Variants in SLC12A6 observed in about 807,000 individuals in gnomAD.
SLC12A6 encodes the protein solute carrier family 12 member 6.
Under a neutral mutation model 135.3 loss-of-function variants are expected in SLC12A6, and 66 were observed. The observed-to-expected ratio is 0.49, with a 90% CI of 0.40 to 0.60. SLC12A6 has a LOEUF of 0.60. SLC12A6 is among the 20% of genes least tolerant of loss of function. SLC12A6 has a pLI of 0.00. For missense variants in SLC12A6, 1,058 were observed against 1,452.3 expected (o/e 0.73, Z 4.41); for synonymous variants, 513 against 508.8 (o/e 1.01, Z -0.11).
At chr15:34,237,320 T>G in intron 22 of SLC12A6, 99 bp downstream of exon 22, 1 of 1,070,420 alleles carries the variant, frequency 9.3e-7, no homozygotes, top group Non-Finnish European at 1.4e-6. Flanking sequence ...TTAATCCACA[T>G]TTAGATCTGA....
At chr15:34,276,897 G>A (rs1894333564) in intron 2 of SLC12A6, among the ~76,000 whole-genome samples, 1 of 152,118 alleles carries the variant, frequency 6.6e-6, no homozygotes, top group East Asian at 1.9e-4. Context: ...TCCAGTTTCT[G>A]ATGTATATTG....
At chr15:34,306,311 C>A (rs534979414) in intron 2 of SLC12A6, among the ~76,000 whole-genome samples, 73 of 152,328 alleles carry the variant, frequency 4.8e-4, no homozygotes, top group Admixed American at 1.1e-3. Context: ...CAGGAGGAAG[C>A]CTCCCTGCTC....
chr15:34,281,105 TAA>T (rs1159931997), intron 2 of SLC12A6, among the ~76,000 whole-genome samples: 1 of 151,894 alleles, frequency 6.6e-6, no homozygotes, highest in Non-Finnish European at 1.5e-5. Flanking sequence ...TATAGCTAGA[TAA>T]AAAAAGAGTA....
Position 34,229,901 on chromosome 15 carries a change from C to T in SLC12A6, c.*3980G>A, listed in dbSNP as rs925500885. The T allele has an allele frequency of 3.4e-5, 34 of 1,003,216 alleles. No individual in the cohort carries two copies. Among genetic ancestry groups the T allele is most frequent in the Middle Eastern group, 4.1e-4 (2 of 4,862 alleles). The allele number at this position is 1,003,216 out of a possible 1,614,324, so 62.1% of individuals were successfully genotyped here. ...ACTAATCACTTATGTTAAAAAGAAC[C>T]AAAAGACTCTTTTCTCCATGGTGGG... On this transcript the variant is annotated 3_prime_UTR_variant, in exon 26 of 26. Transcript: ENST00000354181.
intron 2 of SLC12A6, among the ~76,000 whole-genome samples, chr15:34,287,641 T>C (rs1341858665): frequency 6.6e-6 from 1 of 152,214 alleles, no homozygotes; most frequent in Non-Finnish European, 1.5e-5. Flanking sequence ...CAGCATGTGT[T>C]GTTTCCTGAC....
intron 2 of SLC12A6, among the ~76,000 whole-genome samples, chr15:34,291,655 A>G (rs1895539393): frequency 1.3e-5 from 2 of 152,028 alleles, no homozygotes; most frequent in South Asian, 2.1e-4. Context: ...ACATAGTCCC[A>G]TATTTCTTGG....
chr15:34,297,424 T>A (rs764325761), intron 2 of SLC12A6, among the ~76,000 whole-genome samples: 1 of 152,216 alleles, frequency 6.6e-6, no homozygotes, highest in Non-Finnish European at 1.5e-5. Flanking sequence ...GAAAATTTCC[T>A]ACTATCATCA....
chr15:34,293,008 C>T (rs761245849), intron 2 of SLC12A6, among the ~76,000 whole-genome samples: 3 of 152,204 alleles, frequency 2.0e-5, no homozygotes, highest in Admixed American at 6.5e-5. Context: ...GGCTCACCCT[C>T]CGTGGGCTGC....
chr15:34,250,360 C>T lies in SLC12A6; in HGVS notation c.1592-5G>A. ...AAAGGACAACATTGCTTAAATCTACCATATTGAGAGTCAAGGAAACTGTTG... is the reference window on the plus strand; with the variant it reads ...AAAGGACAACATTGCTTAAATCTACTATATTGAGAGTCAAGGAAACTGTTG... On this transcript the variant is annotated splice_polypyrimidine_tract_variant and splice_region_variant and intron_variant, in intron 12 of 25. Coordinates refer to ENST00000354181, the MANE Select transcript of SLC12A6 (RefSeq NM_001365088.1). The T allele has an allele frequency of 6.3e-7, 1 of 1,575,470 alleles. No individual in the cohort carries two copies. The highest frequency in any genetic ancestry group is 8.7e-7 in the Non-Finnish European group (1 of 1,144,606).
chr15:34,329,713 A>C (rs187143508), intron 2 of SLC12A6, among the ~76,000 whole-genome samples: 1 of 152,250 alleles, frequency 6.6e-6, no homozygotes, highest in East Asian at 1.9e-4. Flanking sequence ...CTTTAATTGT[A>C]ATTTAACCTT....
In SLC12A6 at chr15:34,302,378, A is replaced by G. The variant is rs1896314169; in HGVS notation, c.272-26989T>C. ...GGATCTTGAGGCTGTTGCAAATATT[A>G]CTGAAGAAAATTATGTATAAAGAAG... On this transcript the variant is annotated intron_variant, in intron 2 of 25. Transcript: ENST00000354181. Among the ~76,000 whole-genome samples, 5 of 152,318 alleles carry G rather than the reference A, an allele frequency of 3.3e-5. No individual in the cohort carries two copies. In the South Asian group the frequency reaches 1.0e-3, roughly 32 times the overall value.
At chr15:34,318,898 A>G (rs1046180661) in intron 2 of SLC12A6, 25 of 1,192,904 alleles carry the variant, frequency 2.1e-5, no homozygotes, top group Admixed American at 2.9e-5. Context: ...ATTCACTTAA[A>G]AGGATTAAGC....
At chr15:34,334,624 G>C (rs1314370712) in intron 2 of SLC12A6, among the ~76,000 whole-genome samples, 2 of 152,122 alleles carry the variant, frequency 1.3e-5, no homozygotes, top group South Asian at 2.1e-4. Flanking sequence ...CACGAGAATA[G>C]GGCAAAGTCC....
At position 34,301,235 on chromosome 15, in the gene SLC12A6, C is replaced by T. The variant is rs375153864; in HGVS notation, c.272-25846G>A. On this transcript the variant is annotated intron_variant, in intron 2 of 25. Coordinates refer to ENST00000354181, the MANE Select transcript of SLC12A6 (RefSeq NM_001365088.1). The stretch of plus-strand genomic sequence containing the variant: ...GTCAGGGATTACAGGTGTGAGCCAC[C>T]AGGCCCGGCCTCAACATGTTTGTTA... 2.6e-4 allele frequency among the ~76,000 whole-genome samples: 40 copies of T among 152,212 alleles called. No individual in the cohort carries two copies. The East Asian group carries it at 7.0e-3, about 26-fold the overall frequency.
rs150012964 is a variant in SLC12A6 at position 34,257,679 on chromosome 15, A to G, written c.653T>C (p.Leu218Pro). The change falls in exon 6 of 26, where the codon CTT becomes CCT. Residue 218 changes from leucine (L) to proline (P), a missense_variant. Leu to Pro is a moderately conservative substitution (Grantham distance 98, BLOSUM62 -3). Transcript: ENST00000354181. ...GATAAGGACAATTGCAAAAGCCTGA[A>G]GAACTCCAGCTGTGCCCACCACCCA... ...LTWVVGTAGV[L>P]QAFAIVLICC... is the part of the protein sequence containing the mutation. 6.2e-7 allele frequency: 1 copy of G among 1,613,774 alleles called. No homozygotes were observed.
intron 2 of SLC12A6, among the ~76,000 whole-genome samples, chr15:34,298,409 A>G (rs535077594): frequency 6.6e-6 from 1 of 152,214 alleles, no homozygotes; most frequent in South Asian, 2.1e-4. Flanking sequence ...CGGGAGGCGG[A>G]GGTTGCAGTG....
At chr15:34,235,909 G>T in intron 24 of SLC12A6, 106 bp downstream of exon 24, 1 of 890,598 alleles carries the variant, frequency 1.1e-6, no homozygotes, top group Non-Finnish European at 1.9e-6. Context: ...GAGGTGGCTA[G>T]ATTCAGGGTG....
chr15:34,246,067 A>G (rs774089903), intron 13 of SLC12A6, among the ~76,000 whole-genome samples, 200 bp from the exon 14 acceptor site: 65 of 151,934 alleles, frequency 4.3e-4, no homozygotes, highest in Non-Finnish European at 8.2e-4. Flanking sequence ...TGAGCATCTG[A>G]GATCACAGGT....
At chr15:34,308,301 A>G (rs1887878590) in intron 2 of SLC12A6, among the ~76,000 whole-genome samples, 1 of 152,114 alleles carries the variant, frequency 6.6e-6, no homozygotes, top group Non-Finnish European at 1.5e-5. Context: ...ATCTTCCTAG[A>G]AATGTGAGGA....
Sources: gnomAD v4.1 joint callset for allele counts (sites outside exome capture counted in the v4.1 genomes callset) on GRCh38, gnomAD v4.1.1 for gene constraint, MANE v1.5 for transcripts, NCBI Gene and HGNC (gene_info 2026-07-23, HGNC 2026-07-21) for gene names.